The following ROBO1 variants were observed in gnomAD, a reference collection of about 807,000 sequenced individuals.
ROBO1 encodes roundabout homolog 1.
Under a neutral mutation model 195.9 loss-of-function variants are expected in ROBO1, and 149 were observed. The ratio of observed to expected loss-of-function variants is 0.76; its 90% confidence interval spans 0.67 to 0.87. The LOEUF is 0.87. Ranked by LOEUF, ROBO1 falls within the 40% of genes least tolerant of loss-of-function variation. The pLI, the probability that ROBO1 is intolerant of heterozygous loss-of-function variation, is 0.00. For missense variants in ROBO1, 1,933 were observed against 2,068.3 expected, an observed-to-expected ratio of 0.93 and a Z score of 1.27; for synonymous variants, 816 against 733.2, an observed-to-expected ratio of 1.11 and a Z score of -1.82.
intron 2 of ROBO1, among the ~76,000 whole-genome samples, chr3:79,379,867 G>A (rs530894242): frequency 3.3e-4 from 51 of 152,240 alleles, no homozygotes; most frequent in African/African-American, 1.2e-3. Context: ...AGAGCACCAG[G>A]GGTGAGTTCT....
At chr3:79,551,512 C>T (rs189353684) in intron 2 of ROBO1, among the ~76,000 whole-genome samples, 55 of 152,000 alleles carry the variant, frequency 3.6e-4, no homozygotes, top group African/African-American at 1.3e-3. Context: ...CCTTACTCAG[C>T]ACTTTTATTT....
chr3:78,685,739 A>T lies in ROBO1; in HGVS notation c.1342+7T>A. ...GACATTTTGAAATAAAATGTTTTACACTTTACCATCTGTAACTTCCAAATA... is the reference window on the plus strand; with the variant it reads ...GACATTTTGAAATAAAATGTTTTACTCTTTACCATCTGTAACTTCCAAATA... On this transcript the variant is annotated splice_region_variant and intron_variant, in intron 10 of 30. Coordinates refer to ENST00000464233, the MANE Select transcript of ROBO1 (RefSeq NM_002941.4). 1.3e-6 allele frequency: 2 copies of T among 1,588,950 alleles called. No individual in the cohort carries two copies.
intron 3 of ROBO1, among the ~76,000 whole-genome samples, chr3:79,107,528 C>G (rs1262451525): frequency 6.6e-6 from 1 of 151,508 alleles, no homozygotes; most frequent in Non-Finnish European, 1.5e-5. Context: ...TTACACTTGC[C>G]TTTTTATGTG....
intron 3 of ROBO1, among the ~76,000 whole-genome samples, chr3:78,940,931 G>A (rs1428357012): frequency 6.6e-6 from 1 of 152,140 alleles, no homozygotes; most frequent in African/African-American, 2.4e-5. Flanking sequence ...CAGAAGGAGA[G>A]GAAGTTTAAC....
chr3:78,973,575 CTATATATATA>C (rs58598961), intron 3 of ROBO1, among the ~76,000 whole-genome samples: 1 of 129,426 alleles, frequency 7.7e-6, no homozygotes, highest in South Asian at 2.5e-4. Context: ...ATATATGAAG[CTATATATATA>C]TATATATATA....
At chr3:79,535,753 G>A (rs1012932791) in intron 2 of ROBO1, among the ~76,000 whole-genome samples, 3 of 144,204 alleles carry the variant, frequency 2.1e-5, no homozygotes, top group South Asian at 4.4e-4. Flanking sequence ...AGGATGTGAC[G>A]ACGAGCTGTG....
intron 21 of ROBO1, among the ~76,000 whole-genome samples, chr3:78,641,526 A>G (rs1280769686): frequency 6.6e-6 from 1 of 152,224 alleles, no homozygotes; most frequent in East Asian, 1.9e-4. Context: ...AATGCAAATT[A>G]TAACACAGAT....
chr3:78,643,513 A>C (rs183305337), intron 21 of ROBO1, among the ~76,000 whole-genome samples: 1 of 152,270 alleles, frequency 6.6e-6, no homozygotes, highest in Non-Finnish European at 1.5e-5. Context: ...ATACATGCAC[A>C]GTGTAGTAAG....
intron 3 of ROBO1, among the ~76,000 whole-genome samples, chr3:78,994,971 A>G (rs932760332): frequency 2.0e-5 from 3 of 152,178 alleles, no homozygotes. Context: ...CATTCAGCCT[A>G]CCAGGACAGT....
intron 1 of ROBO1, among the ~76,000 whole-genome samples, chr3:79,702,301 G>C (rs1947643087): frequency 6.6e-6 from 1 of 151,890 alleles, no homozygotes; most frequent in African/African-American, 2.4e-5. Flanking sequence ...GCATAAATGG[G>C]TATGGTTTTG....
At chr3:79,165,909 A>G (rs1459215702) in intron 2 of ROBO1, among the ~76,000 whole-genome samples, 3 of 152,202 alleles carry the variant, frequency 2.0e-5, no homozygotes, top group Non-Finnish European at 4.4e-5. Flanking sequence ...AGTGGGCCTG[A>G]TTCAATCAGT....
chr3:79,467,891 C>T (rs779131106), intron 2 of ROBO1, among the ~76,000 whole-genome samples: 8 of 152,184 alleles, frequency 5.3e-5, no homozygotes, highest in Non-Finnish European at 1.0e-4. Flanking sequence ...GGAGTTTGAG[C>T]ACACAGACAG....
At chr3:79,189,255 T>C (rs2081496257) in intron 2 of ROBO1, among the ~76,000 whole-genome samples, 1 of 151,794 alleles carries the variant, frequency 6.6e-6, no homozygotes, top group Admixed American at 6.6e-5. Context: ...TTAATAGATA[T>C]CTCAAGTAAA....
chr3:79,709,895 T>C (rs1304035317), intron 1 of ROBO1, among the ~76,000 whole-genome samples: 1 of 152,162 alleles, frequency 6.6e-6, no homozygotes, highest in Admixed American at 6.6e-5. Flanking sequence ...TGCATTTTTA[T>C]ACCAAACCAG....
At chr3:79,508,428 A>C (rs971642113) in intron 2 of ROBO1, among the ~76,000 whole-genome samples, 1 of 152,150 alleles carries the variant, frequency 6.6e-6, no homozygotes, top group Non-Finnish European at 1.5e-5. Flanking sequence ...GTAAGAAAAC[A>C]AATTTCTTTG....
chr3:78,709,529 A>G (rs891485165), intron 8 of ROBO1, among the ~76,000 whole-genome samples: 1 of 152,204 alleles, frequency 6.6e-6, no homozygotes, highest in Non-Finnish European at 1.5e-5. Flanking sequence ...TAAGTAATCA[A>G]TATCTTATTT....
chr3:78,799,503 G>A (rs436252), intron 4 of ROBO1, among the ~76,000 whole-genome samples: 8,743 of 151,910 alleles, frequency 0.058, 303 homozygotes, highest in Middle Eastern at 0.11. Context: ...CACCATGCCC[G>A]GCTAATTTTT....
chr3:78,673,563 T>A (rs1708201677), intron 10 of ROBO1, among the ~76,000 whole-genome samples: 1 of 11,306 alleles, frequency 8.8e-5, no homozygotes, highest in African/African-American at 2.6e-4. Flanking sequence ...ACATATATTT[T>A]ATATATATAT....
intron 1 of ROBO1, among the ~76,000 whole-genome samples, chr3:79,716,656 G>A (rs183182002): frequency 6.6e-6 from 1 of 151,920 alleles, no homozygotes; most frequent in East Asian, 1.9e-4. Flanking sequence ...AGCAAATATG[G>A]TATTAGATGA....
Sources: gnomAD v4.1 joint callset for allele counts (sites outside exome capture counted in the v4.1 genomes callset) on GRCh38, gnomAD v4.1.1 for gene constraint, MANE v1.5 for transcripts, NCBI Gene and HGNC (gene_info 2026-07-23, HGNC 2026-07-21) for gene names.